UBXN7: variants seen among roughly 807,000 people sequenced by gnomAD.
UBXN7 encodes the protein UBX domain protein 7.
In UBXN7, 9 loss-of-function variants were observed where a neutral mutation model predicts 58.0. That is an observed-to-expected ratio of 0.16 (90% CI 0.09 to 0.27). The LOEUF is 0.27. Ranked by LOEUF, UBXN7 falls within the 10% of genes least tolerant of loss-of-function variation. UBXN7 has a pLI of 1.00. For synonymous variants in UBXN7, 208 were observed against 205.0 expected, an observed-to-expected ratio of 1.01 and a Z score of -0.12; for missense variants, 328 against 599.6, an observed-to-expected ratio of 0.55 and a Z score of 4.73.
chr3:196,393,430 G>C (rs1729644950), intron 4 of UBXN7, 124 bp downstream of exon 4: 1 of 872,660 alleles, frequency 1.1e-6, no homozygotes, highest in African/African-American at 1.7e-5. Flanking sequence ...TCACATTCTG[G>C]ATCCATAATT....
chr3:196,386,592 T>C (rs1424769759), intron 5 of UBXN7, among the ~76,000 whole-genome samples: 1 of 152,146 alleles, frequency 6.6e-6, no homozygotes, highest in Non-Finnish European at 1.5e-5. Context: ...AGCCAAATCA[T>C]GAGTGAACTC....
chr3:196,367,446 C>A (rs1202281149), intron 8 of UBXN7, among the ~76,000 whole-genome samples: 1 of 152,122 alleles, frequency 6.6e-6, no homozygotes, highest in African/African-American at 2.4e-5. Context: ...CTCAACTATA[C>A]CATGACAGTT....
chr3:196,410,309 T>C (rs1730285977), intron 1 of UBXN7, among the ~76,000 whole-genome samples: 1 of 152,210 alleles, frequency 6.6e-6, no homozygotes, highest in South Asian at 2.1e-4. Context: ...ACTCATGTTA[T>C]CACTCTACAT....
chr3:196,432,268 G>A (rs781457200), intron 1 of UBXN7, 59 bp downstream of exon 1: 2 of 1,602,372 alleles, frequency 1.2e-6, no homozygotes, highest in Non-Finnish European at 1.7e-6. Flanking sequence ...GAAGCCCGGG[G>A]CAGACCCGCT....
intron 1 of UBXN7, among the ~76,000 whole-genome samples, chr3:196,410,570 T>G (rs567633866): frequency 3.7e-4 from 56 of 152,334 alleles, no homozygotes; most frequent in African/African-American, 1.3e-3. Flanking sequence ...ACGCCTATAA[T>G]CCCAGCACTT....
intron 3 of UBXN7, 60 bp downstream of exon 3, chr3:196,402,892 G>T (rs748626876): frequency 3.9e-6 from 6 of 1,539,500 alleles, no homozygotes; most frequent in Non-Finnish European, 5.3e-6. Context: ...TCTTTTGATG[G>T]TTTCATTAAA....
intron 1 of UBXN7, chr3:196,431,635 C>A: frequency 5.5e-6 from 1 of 182,996 alleles, no homozygotes; most frequent in Non-Finnish European, 1.2e-5. Context: ...GTGGGAAACG[C>A]CACCCTGGAT....
intron 1 of UBXN7, among the ~76,000 whole-genome samples, chr3:196,428,840 G>T (rs1577484581): frequency 1.4e-5 from 2 of 146,526 alleles, no homozygotes; most frequent in South Asian, 4.4e-4. Context: ...AAAAAAAAAA[G>T]TTTTTATGAT....
intron 1 of UBXN7, among the ~76,000 whole-genome samples, chr3:196,413,284 G>C (rs1310688721): frequency 3.3e-5 from 5 of 152,138 alleles, no homozygotes; most frequent in Admixed American, 2.6e-4. Flanking sequence ...GTTGCAGTGA[G>C]CCGAGGTTGC....
chr3:196,354,681 A>T lies in UBXN7; in HGVS notation c.*2004T>A, dbSNP rs1728297907. 1 of 152,208 alleles carries T rather than the reference A, an allele frequency of 6.6e-6. No individual in the cohort carries two copies. The highest frequency in any genetic ancestry group is 1.5e-5 in the Non-Finnish European group (1 of 68,048). The allele number at this position is 152,208 out of a possible 1,614,324, so 9.4% of individuals were successfully genotyped here. The stretch of plus-strand genomic sequence containing the variant: ...TATGTTATCCAAGTTCAGAGATGCA[A>T]CTGAGGAATTAACATGAAAACCATC... On this transcript the variant is annotated 3_prime_UTR_variant, in exon 11 of 11. Transcript: ENST00000296328.
At chr3:196,408,097 C>CAAAAAAAAAAAAAAAAAAAAAAAAAAAAA in intron 1 of UBXN7, among the ~76,000 whole-genome samples, 1 of 45,248 alleles carries the variant, frequency 2.2e-5, no homozygotes, top group Non-Finnish European at 4.1e-5. Context: ...GACTCTGTCT[C>CAAAAAAAAAAAAAAAAAAAAAAAAAAAAA]AAAAAAAAAA....
intron 5 of UBXN7, among the ~76,000 whole-genome samples, chr3:196,381,523 G>A (rs958089697): frequency 2.0e-4 from 30 of 152,216 alleles, no homozygotes; most frequent in African/African-American, 7.0e-4. Context: ...AAACCGCAAA[G>A]ATGGGGAGAA....
At chr3:196,375,848 G>A (rs1470627077) in intron 5 of UBXN7, among the ~76,000 whole-genome samples, 1 of 152,186 alleles carries the variant, frequency 6.6e-6, no homozygotes, top group Non-Finnish European at 1.5e-5. Flanking sequence ...GGTCAACATG[G>A]CGAAACCCCA....
At chr3:196,364,506 T>A (rs1728601265) in intron 8 of UBXN7, among the ~76,000 whole-genome samples, 1 of 152,052 alleles carries the variant, frequency 6.6e-6, no homozygotes, top group African/African-American at 2.4e-5. Context: ...CATCTGCTGA[T>A]AATTACCGAA....
At chr3:196,424,003 C>A (rs1453202205) in intron 1 of UBXN7, among the ~76,000 whole-genome samples, 2 of 151,504 alleles carry the variant, frequency 1.3e-5, no homozygotes, top group African/African-American at 4.9e-5. Context: ...GATTCACCTG[C>A]CTCAGCCTCC....
rs1728288411 is a variant in UBXN7 at position 196,354,312 on chromosome 3, A to G, written c.*2373T>C. ...AAGTTACTTTGGTTTCTCATAAATG[A>G]ATATGCACGTGCTGAACATATCGGA... On this transcript the variant is annotated 3_prime_UTR_variant, in exon 11 of 11. Coordinates refer to ENST00000296328, the MANE Select transcript of UBXN7 (RefSeq NM_015562.2). 6.6e-6 allele frequency: 1 copy of G among 152,236 alleles called. No individual in the cohort carries two copies. Among genetic ancestry groups the G allele is most frequent in the East Asian group, 1.9e-4 (1 of 5,200 alleles). 9.4% of individuals were successfully genotyped at this position (152,236 alleles called of 1,614,324 possible).
intron 1 of UBXN7, chr3:196,431,969 A>G: frequency 2.3e-6 from 1 of 429,942 alleles, no homozygotes; most frequent in South Asian, 2.1e-5. Flanking sequence ...AAGATGATGA[A>G]GGAGGAGGAG....
intron 1 of UBXN7, among the ~76,000 whole-genome samples, chr3:196,422,576 TG>T (rs1730721521): frequency 6.6e-6 from 1 of 152,110 alleles, no homozygotes; most frequent in Non-Finnish European, 1.5e-5. Flanking sequence ...AATACAGATG[TG>T]GGGGTCTCTC....
intron 1 of UBXN7, among the ~76,000 whole-genome samples, chr3:196,418,313 G>GGAAGGACA (rs1215131185): frequency 2.0e-5 from 3 of 151,958 alleles, no homozygotes; most frequent in African/African-American, 4.8e-5. Flanking sequence ...ACGGAATGAC[G>GGAAGGACA]GACAGATAGT....
Sources: allele counts gnomAD v4.1 joint callset (sites outside exome capture counted in the v4.1 genomes callset), GRCh38; gene constraint gnomAD v4.1.1; transcripts MANE v1.5; gene names NCBI Gene and HGNC (gene_info 2026-07-23, HGNC 2026-07-21).